Variants in CA11 observed in about 807,000 individuals in gnomAD.
The protein encoded by CA11 is carbonic anhydrase 11 (inactive).
CA11 carries 20 observed loss-of-function variants against 39.3 expected under a neutral mutation model. That is an observed-to-expected ratio of 0.51 (90% CI 0.36 to 0.74). The LOEUF is 0.74. CA11 is among the 30% of genes least tolerant of loss of function. The pLI is 0.00. For synonymous variants in CA11, 166 were observed against 172.5 expected, an observed-to-expected ratio of 0.96 and a Z score of 0.29; for missense variants, 336 against 424.6, an observed-to-expected ratio of 0.79 and a Z score of 1.83.
Position 48,644,566 on chromosome 19 carries a change from G to A in CA11, c.146C>T (p.Pro49Leu). 6.3e-7 allele frequency: 1 copy of A among 1,584,320 alleles called. No individual in the cohort carries two copies. Among genetic ancestry groups the A allele is most frequent in the South Asian group, 1.1e-5 (1 of 88,266 alleles). The stretch of plus-strand genomic sequence containing the variant: ...TGCATTCACCAGGCCCCAGAAAGGA[G>A]GCCCTGGGGGTGGGGTCGGAGTAGG... ...DNLQGNFVPG[P>L]PFWGLVNAAW... Residue 49 changes from proline to leucine, a missense_variant, in exon 3 of 9, where the codon CCT becomes CTT. Coordinates refer to ENST00000084798, the MANE Select transcript of CA11 (RefSeq NM_001217.5).
intron 3 of CA11, among the ~76,000 whole-genome samples, chr19:48,640,979 T>TG (rs1255967746): frequency 1.2e-5 from 1 of 85,198 alleles, no homozygotes; most frequent in Non-Finnish European, 3.5e-5. Context: ...CGGCTTTTTG[T>TG]TTTTGTTTTT....
chr19:48,642,865 A>G (rs1333675821), intron 3 of CA11, among the ~76,000 whole-genome samples: 3 of 152,156 alleles, frequency 2.0e-5, no homozygotes, highest in Non-Finnish European at 2.9e-5. Context: ...GAGAGAGGAT[A>G]GGATGGGGAA....
intron 2 of CA11, among the ~76,000 whole-genome samples, chr19:48,644,957 CA>C (rs1423299905): frequency 6.6e-6 from 1 of 152,126 alleles, no homozygotes; most frequent in Non-Finnish European, 1.5e-5. Context: ...CCAGTGCTAC[CA>C]GCCTACCCCT....
chr19:48,642,785 T>C (rs1380612271), intron 3 of CA11, among the ~76,000 whole-genome samples: 1 of 151,930 alleles, frequency 6.6e-6, no homozygotes, highest in Non-Finnish European at 1.5e-5. Context: ...GAGGGCGTGA[T>C]AGGTGAAAGG....
intron 8 of CA11, 152 bp downstream of exon 8, chr19:48,638,736 A>G (rs1400379356): frequency 2.4e-6 from 2 of 849,982 alleles, no homozygotes; most frequent in East Asian, 2.8e-5. Flanking sequence ...CCACATAGAC[A>G]TGTAGGGAAA....
chr19:48,638,054 G>C lies in CA11; in HGVS notation c.*65C>G. ...CTGTCCCTTTAATAGCTTTGTTTTAGGGGTAACTCCCCTCGCCTTGTGGGG... is the reference window on the plus strand; with the variant it reads ...CTGTCCCTTTAATAGCTTTGTTTTACGGGTAACTCCCCTCGCCTTGTGGGG... On this transcript the variant is annotated 3_prime_UTR_variant, in exon 9 of 9. Coordinates refer to ENST00000084798, the MANE Select transcript of CA11 (RefSeq NM_001217.5). The C allele has an allele frequency of 8.0e-7, 1 of 1,246,312 alleles. No individual in the cohort carries two copies. The highest frequency in any genetic ancestry group is 1.1e-6 in the Non-Finnish European group (1 of 922,588). 77.2% of individuals were successfully genotyped at this position (1,246,312 alleles called of 1,614,324 possible). A position where few individuals can be genotyped will look rare whatever the true frequency, so the allele number is the denominator to read the frequency against.
At position 48,638,904 on chromosome 19, in the gene CA11, G is replaced by T; in HGVS notation, c.945C>A (p.Pro315=). The T allele has an allele frequency of 6.3e-7, 1 of 1,596,396 alleles. No individual in the cohort carries two copies. ...GGACCATACCATGCAGGCGGTAGTT[G>T]GGGCCTCGGCAGCGCCTCTCGGGGT... ...PRHPERRCRG[P]NYRLHVDGVP... Residue 315 remains proline (P), a synonymous_variant, in exon 8 of 9, where the codon CCC becomes CCA. Transcript: ENST00000084798.
rs1346986127 is a variant in CA11 at position 48,638,902 on chromosome 19, T to A, written c.947A>T (p.Asn316Ile). ...CTGGACCATACCATGCAGGCGGTAGTTGGGGCCTCGGCAGCGCCTCTCGGG... is the reference window on the plus strand; with the variant it reads ...CTGGACCATACCATGCAGGCGGTAGATGGGGCCTCGGCAGCGCCTCTCGGG... Reference protein sequence around the residue: ...RHPERRCRGPNYRLHVDGVPH... With the variant: ...RHPERRCRGPIYRLHVDGVPH... Residue 316 changes from asparagine to isoleucine, a missense_variant, in exon 8 of 9, where the codon AAC (asparagine) becomes ATC (isoleucine). Coordinates refer to ENST00000084798, the MANE Select transcript of CA11 (RefSeq NM_001217.5). The A allele has an allele frequency of 1.9e-6, 3 of 1,595,672 alleles. No individual in the cohort carries two copies. The South Asian group carries it at 3.4e-5, about 18-fold the overall frequency.
intron 7 of CA11, 47 bp from the exon 8 acceptor site, chr19:48,639,100 C>T (rs778377536): frequency 6.2e-7 from 1 of 1,608,122 alleles, no homozygotes; most frequent in Admixed American, 1.7e-5. Flanking sequence ...AGTGAATGGT[C>T]TTGGTGACGT....
chr19:48,640,988 T>G (rs113615606), intron 3 of CA11, among the ~76,000 whole-genome samples: 10 of 148,276 alleles, frequency 6.7e-5, no homozygotes, highest in South Asian at 2.1e-4. Context: ...GTTTTTGTTT[T>G]TTTTTTTTTT....
rs765428646 is a variant in CA11, at chr19:48,645,611, T to C, written c.22A>G (p.Ser8Gly). 45 of 1,598,458 alleles carry C rather than the reference T, an allele frequency of 2.8e-5. No homozygotes were observed. The highest frequency in any genetic ancestry group is 3.5e-5 in the Non-Finnish European group (41 of 1,173,212). Residue 8 changes from serine to glycine, a missense_variant, in exon 1 of 9, where the codon AGC becomes GGC. Transcript: ENST00000084798. The stretch of plus-strand genomic sequence containing the variant: ...CAGAGTACCAGCGCTCGAGGGGCGC[T>C]CAGACGAGCTGCAGCCCCCATCCCC... MGAAARL[S>G]APRALVLWAA...
Position 48,643,063 on chromosome 19 carries a change from C to CA in CA11, c.285+1363dup, listed in dbSNP as rs1485350520. 6.6e-6 allele frequency among the ~76,000 whole-genome samples: 1 copy of CA among 152,140 alleles called. No individual in the cohort carries two copies. Among genetic ancestry groups the CA allele is most frequent in the African/African-American group, 2.4e-5 (1 of 41,416 alleles). On this transcript the variant is annotated intron_variant, in intron 3 of 8. Coordinates refer to ENST00000084798, the MANE Select transcript of CA11 (RefSeq NM_001217.5). The surrounding 1 kb of genome is among the most constrained non-coding windows in gnomAD (Gnocchi z 4.3). ...ACAACATAGTGAGACCCCACCTCTA[C>CA]AAAAAACTTAAAAAGTTAGCCAAGC...
chr19:48,645,365 G>A, intron 2 of CA11, 38 bp downstream of exon 2: 3 of 1,542,536 alleles, frequency 1.9e-6, no homozygotes, highest in African/African-American at 1.4e-5. Context: ...AGGAGGCGCC[G>A]GGAGGGCCGG....
At chr19:48,639,186 A>G in intron 7 of CA11, 119 bp downstream of exon 7, 1 of 1,517,082 alleles carries the variant, frequency 6.6e-7, no homozygotes, top group Non-Finnish European at 9.0e-7. Context: ...AGGTGGTCTG[A>G]CCCTCTTACC....
At position 48,639,334 on chromosome 19, in the gene CA11, C is replaced by T. The variant is rs984005936; in HGVS notation, c.766G>A (p.Asp256Asn). Reference protein sequence around the residue: ...CSETVTWILIDRALNITSLQM... With the variant: ...CSETVTWILINRALNITSLQM... ...AGGGAGGTGATATTGAGGGCCCGGT[C>T]AATGAGGATCCAGGTGACAGTCTCG... The change falls in exon 7 of 9, where the codon GAC (aspartate) becomes AAC (asparagine). Residue 256 changes from aspartate (D) to asparagine (N), a missense_variant. Transcript: ENST00000084798. The T allele has an allele frequency of 1.2e-6, 2 of 1,613,410 alleles. No homozygotes were observed. Among genetic ancestry groups the T allele is most frequent in the African/African-American group, 2.7e-5 (2 of 74,778 alleles).
intron 4 of CA11, 85 bp downstream of exon 4, chr19:48,640,009 TG>T: frequency 6.6e-7 from 1 of 1,513,590 alleles, no homozygotes; most frequent in Non-Finnish European, 9.1e-7. Flanking sequence ...TGGAGGAGGA[TG>T]GGGTGAGACA....
Position 48,638,965 on chromosome 19 carries a change from G to C in CA11, c.884C>G (p.Ala295Gly). The change falls in exon 8 of 9, where the codon GCC becomes GGC. Residue 295 changes from alanine to glycine, a missense_variant. Transcript: ENST00000084798. ...SGNSRPLQPL[A>G]HRALRGNRDP... is the part of the protein sequence containing the mutation. ...CCTGTTGCCCCTCAGTGCCCTGTGG[G>C]CCAAGGGCTGCAGGGGCCGGCTGTT... 6.2e-7 allele frequency: 1 copy of C among 1,613,428 alleles called. No homozygotes were observed. Among genetic ancestry groups the C allele is most frequent in the East Asian group, 2.2e-5 (1 of 44,868 alleles).
intron 8 of CA11, chr19:48,638,374 T>TGGC (rs1295938629): frequency 2.5e-5 from 2 of 81,216 alleles, no homozygotes; most frequent in African/African-American, 7.3e-5. Context: ...AAGGTCTTCA[T>TGGC]GGGGGGGGGG....
intron 3 of CA11, among the ~76,000 whole-genome samples, chr19:48,644,103 A>G (rs2031171109): frequency 1.3e-5 from 2 of 151,568 alleles, no homozygotes; most frequent in South Asian, 4.2e-4. Flanking sequence ...ATCTCAAAAT[A>G]ATAATAATAA....
Sources: gnomAD v4.1 joint callset for allele counts (sites outside exome capture counted in the v4.1 genomes callset) on GRCh38, gnomAD v4.1.1 for gene constraint, Gnocchi (gnomAD v3.1) non-coding constraint, MANE v1.5 for transcripts, NCBI Gene and HGNC (gene_info 2026-07-23, HGNC 2026-07-21) for gene names.